The following MOXD1 variants were observed in gnomAD, a reference collection of about 807,000 sequenced individuals.
The protein encoded by MOXD1 is monooxygenase DBH like 1, also known as DBH-like monooxygenase protein 1.
MOXD1 carries 62 observed loss-of-function variants against 66.6 expected under a neutral mutation model. That is an observed-to-expected ratio of 0.93 (90% CI 0.76 to 1.15). The LOEUF (loss-of-function observed/expected upper bound fraction) is 1.15, where lower values mean the gene tolerates loss of function less well. Ranked by LOEUF, MOXD1 falls within the 50% of genes most tolerant of loss-of-function variation. The probability of loss-of-function intolerance (pLI) is 0.00; values close to 1 mark genes in which losing one functional copy is unlikely to be tolerated. For synonymous variants in MOXD1, 303 were observed against 281.9 expected (o/e 1.07, Z -0.75); for missense variants, 847 against 754.6 (o/e 1.12, Z -1.44).
chr6:132,303,914 G>C (rs1774629695), intron 10 of MOXD1, among the ~76,000 whole-genome samples: 1 of 135,888 alleles, frequency 7.4e-6, no homozygotes, highest in Admixed American at 7.4e-5. Context: ...AATTCTCTGG[G>C]TGGCCCTGGA....
chr6:132,354,418 T>C (rs1035557368), intron 4 of MOXD1, among the ~76,000 whole-genome samples: 25 of 152,216 alleles, frequency 1.6e-4, no homozygotes, highest in Admixed American at 1.3e-3. Context: ...GTGATTGTTA[T>C]ATCTCTTCTG....
intron 4 of MOXD1, among the ~76,000 whole-genome samples, chr6:132,334,994 G>A (rs60561448): frequency 0.058 from 8,797 of 152,160 alleles, 514 homozygotes; most frequent in African/African-American, 0.15. Flanking sequence ...TCTATGTGTT[G>A]CAGAATTCCC....
chr6:132,340,069 C>T (rs1228220932), intron 4 of MOXD1, among the ~76,000 whole-genome samples: 1 of 152,004 alleles, frequency 6.6e-6, no homozygotes, highest in African/African-American at 2.4e-5. Flanking sequence ...GGGGTTTCAC[C>T]GTGTTGGCCA....
chr6:132,391,195 G>C (rs1015560848), intron 1 of MOXD1: 1 of 151,260 alleles, frequency 6.6e-6, no homozygotes, highest in Admixed American at 6.6e-5. Flanking sequence ...AAGAGGCAGC[G>C]AGTAAATATG....
chr6:132,311,866 G>A (rs563815362), intron 10 of MOXD1, among the ~76,000 whole-genome samples: 1 of 152,028 alleles, frequency 6.6e-6, no homozygotes, highest in African/African-American at 2.4e-5. Flanking sequence ...ATAACAACTT[G>A]TTCTGCATTA....
chr6:132,340,500 G>T (rs1367621907), intron 4 of MOXD1, among the ~76,000 whole-genome samples: 1 of 144,606 alleles, frequency 6.9e-6, no homozygotes. Flanking sequence ...ATTTTAATTC[G>T]GCTATCTGGA....
intron 1 of MOXD1, among the ~76,000 whole-genome samples, chr6:132,379,065 A>T (rs1776457128): frequency 6.6e-6 from 1 of 151,180 alleles, no homozygotes; most frequent in Non-Finnish European, 1.5e-5. Context: ...TAAAGACACT[A>T]CCAAAAAAAC....
chr6:132,382,167 T>C (rs1030555650), intron 1 of MOXD1, among the ~76,000 whole-genome samples: 7 of 152,068 alleles, frequency 4.6e-5, no homozygotes, highest in African/African-American at 1.4e-4. Flanking sequence ...AAATATACAA[T>C]ATTGATAAAA....
chr6:132,384,728 G>A (rs1178429361), intron 1 of MOXD1, among the ~76,000 whole-genome samples: 5 of 152,196 alleles, frequency 3.3e-5, no homozygotes, highest in African/African-American at 7.2e-5. Context: ...GGGTTATCCA[G>A]TGGGATGAAG....
intron 1 of MOXD1, among the ~76,000 whole-genome samples, chr6:132,385,465 A>G (rs1263408377): frequency 3.5e-5 from 3 of 85,842 alleles, no homozygotes; most frequent in Admixed American, 1.2e-4. Context: ...TACTGAAATT[A>G]TTATTATTAT....
At chr6:132,337,288 A>C (rs1240286590) in intron 4 of MOXD1, among the ~76,000 whole-genome samples, 1 of 152,266 alleles carries the variant, frequency 6.6e-6, no homozygotes, top group Admixed American at 6.5e-5. Flanking sequence ...TCATCAATTC[A>C]TTAATATGTA....
At chr6:132,393,276 T>C (rs1265575510) in intron 1 of MOXD1, among the ~76,000 whole-genome samples, 4 of 152,292 alleles carry the variant, frequency 2.6e-5, no homozygotes, top group East Asian at 1.9e-4. Flanking sequence ...AGCTTCAAGA[T>C]GGCTGACTAA....
At chr6:132,328,722 G>T in intron 4 of MOXD1, 128 bp from the exon 5 acceptor site, 1 of 886,250 alleles carries the variant, frequency 1.1e-6, no homozygotes, top group Non-Finnish European at 1.7e-6. Flanking sequence ...ATTATGTCAA[G>T]GTTGTGTAGT....
At chr6:132,380,009 C>T (rs1259825159) in intron 1 of MOXD1, among the ~76,000 whole-genome samples, 2 of 152,156 alleles carry the variant, frequency 1.3e-5, no homozygotes, top group Non-Finnish European at 1.5e-5. Flanking sequence ...GCCTCAGCCT[C>T]CCACAGTTCT....
chr6:132,297,679 G>T, intron 11 of MOXD1, 108 bp downstream of exon 11: 2 of 1,301,502 alleles, frequency 1.5e-6, no homozygotes, highest in Non-Finnish European at 2.1e-6. Context: ...ACATTAGAAG[G>T]CAACTGGACC....
chr6:132,340,977 A>T (rs1775547031), intron 4 of MOXD1, among the ~76,000 whole-genome samples: 1 of 152,064 alleles, frequency 6.6e-6, no homozygotes, highest in African/African-American at 2.4e-5. Flanking sequence ...TTTCATCTTC[A>T]AAGTGTCCTC....
intron 8 of MOXD1, 141 bp downstream of exon 8, chr6:132,322,538 G>A: frequency 1.3e-6 from 1 of 745,370 alleles, no homozygotes; most frequent in Non-Finnish European, 2.1e-6. Context: ...CATCTGGGTT[G>A]TACAACACCC....
intron 3 of MOXD1, 26 bp downstream of exon 3, chr6:132,372,804 C>G: frequency 6.2e-7 from 1 of 1,611,940 alleles, no homozygotes; most frequent in South Asian, 1.1e-5. Context: ...CCCATCCCTA[C>G]AATCATAAAA....
At chr6:132,306,754 G>T (rs1192533696) in intron 10 of MOXD1, among the ~76,000 whole-genome samples, 1 of 152,138 alleles carries the variant, frequency 6.6e-6, no homozygotes, top group African/African-American at 2.4e-5. Flanking sequence ...TTCATATCCA[G>T]CAAAACTAAG....
Sources: allele counts gnomAD v4.1 joint callset (sites outside exome capture counted in the v4.1 genomes callset), GRCh38; gene constraint gnomAD v4.1.1; transcripts MANE v1.5; gene names NCBI Gene and HGNC (gene_info 2026-07-23, HGNC 2026-07-21).